Variants in ZNF423 observed in about 807,000 individuals in gnomAD.
The protein encoded by ZNF423 is zinc finger protein 423.
In ZNF423, 12 loss-of-function variants were observed where a neutral mutation model predicts 95.8. The observed-to-expected ratio is 0.13, with a 90% confidence interval of 0.08 to 0.20. ZNF423 has a LOEUF of 0.20. Among genes scored for constraint, ZNF423 ranks in the 10% least tolerant of loss-of-function variants. The pLI is 1.00. For missense variants in ZNF423, 1,316 were observed against 1,737.1 expected (o/e 0.76, Z 4.31); for synonymous variants, 749 against 711.9 (o/e 1.05, Z -0.83).
intron 5 of ZNF423, among the ~76,000 whole-genome samples, chr16:49,538,407 C>A (rs1395049611): frequency 2.0e-5 from 3 of 152,208 alleles, no homozygotes; most frequent in Non-Finnish European, 4.4e-5. Context: ...GCACATGCGA[C>A]AGACACCTGG....
chr16:49,681,041 C>T (rs1460991266), intron 3 of ZNF423, among the ~76,000 whole-genome samples: 1 of 152,178 alleles, frequency 6.6e-6, no homozygotes, highest in Non-Finnish European at 1.5e-5. Context: ...CCCCTCAGCT[C>T]TGCACACCTT....
At chr16:49,617,782 G>A (rs1338888847) in intron 5 of ZNF423, among the ~76,000 whole-genome samples, 1 of 151,940 alleles carries the variant, frequency 6.6e-6, no homozygotes, top group East Asian at 1.9e-4. Context: ...ATCTCCTCCT[G>A]ACCCCTTCCA....
intron 3 of ZNF423, among the ~76,000 whole-genome samples, chr16:49,643,462 AG>A (rs1162952619): frequency 2.6e-5 from 4 of 152,084 alleles, no homozygotes; most frequent in African/African-American, 9.7e-5. Flanking sequence ...TGACTTGCCC[AG>A]TGCCACACAG....
intron 2 of ZNF423, among the ~76,000 whole-genome samples, chr16:49,783,977 A>G (rs2034267525): frequency 6.6e-6 from 1 of 151,860 alleles, no homozygotes; most frequent in Non-Finnish European, 1.5e-5. Flanking sequence ...TCAAAAAAAA[A>G]AAAAAAGAAA....
At chr16:49,752,348 G>A (rs918069531) in intron 2 of ZNF423, among the ~76,000 whole-genome samples, 6 of 152,208 alleles carry the variant, frequency 3.9e-5, no homozygotes, top group African/African-American at 9.7e-5. Context: ...CCTTCCTGAC[G>A]GTGTCCCAGC....
Position 49,637,775 on chromosome 16 carries a change from G to A in ZNF423, c.1401C>T (p.His467=), listed in dbSNP as rs370346450. The A allele has an allele frequency of 1.0e-4, 163 of 1,614,024 alleles. No homozygotes were observed. Among genetic ancestry groups the A allele is most frequent in the South Asian group, 6.4e-4 (58 of 91,090 alleles). Residue 467 remains histidine (H), a synonymous_variant, in exon 4 of 8, where the codon CAC becomes CAT. Transcript: ENST00000563137. This position sits in a 1 kb window ranked among gnomAD's most constrained non-coding sequence, Gnocchi z 5.6. ...SMPTLYNLNE[H]VRKLHKNHAY... The stretch of plus-strand genomic sequence containing the variant: ...CATGGTTCTTGTGCAGCTTGCGAAC[G>A]TGCTCGTTGAGGTTGTAGAGGGTGG...
At chr16:49,534,642 A>C (rs905985546) in intron 5 of ZNF423, among the ~76,000 whole-genome samples, 11 of 152,136 alleles carry the variant, frequency 7.2e-5, no homozygotes, top group African/African-American at 2.7e-4. Context: ...GGGGGCCATC[A>C]AGGCAATAGA....
intron 2 of ZNF423, among the ~76,000 whole-genome samples, chr16:49,741,179 C>T (rs2033406685): frequency 6.8e-6 from 1 of 147,362 alleles, no homozygotes; most frequent in Non-Finnish European, 1.5e-5. Context: ...ATGGTCAGCA[C>T]TGCAAACACA....
chr16:49,842,714 G>A lies in ZNF423; in HGVS notation c.40+13021C>T, dbSNP rs144833721. 5.3e-5 allele frequency among the ~76,000 whole-genome samples: 8 copies of A among 152,278 alleles called. No homozygotes were observed. The East Asian group carries it at 7.7e-4, about 15-fold the overall frequency. On this transcript the variant is annotated intron_variant, in intron 1 of 7. Coordinates refer to ENST00000563137, the MANE Select transcript of ZNF423 (RefSeq NM_001379286.1). ...AAAAAGGCTGGGCGCCGTAGCTCACGCCTGTAATTCCAGCACTTTGGGAGC... is the reference window on the plus strand; with the variant it reads ...AAAAAGGCTGGGCGCCGTAGCTCACACCTGTAATTCCAGCACTTTGGGAGC...
intron 1 of ZNF423, among the ~76,000 whole-genome samples, chr16:49,815,881 A>AAAT (rs1185501557): frequency 1.1e-3 from 51 of 47,600 alleles, no homozygotes; most frequent in East Asian, 2.6e-3. Flanking sequence ...AAAAAAAAAA[A>AAAT]ATATATATAT....
At chr16:49,551,707 G>A (rs190199370) in intron 5 of ZNF423, among the ~76,000 whole-genome samples, 11 of 152,334 alleles carry the variant, frequency 7.2e-5, no homozygotes, top group Admixed American at 7.2e-4. Flanking sequence ...CAGGAAGGGT[G>A]AGGAGACCCT....
At chr16:49,543,679 C>T (rs974069680) in intron 5 of ZNF423, among the ~76,000 whole-genome samples, 1 of 152,216 alleles carries the variant, frequency 6.6e-6, no homozygotes, top group African/African-American at 2.4e-5. Context: ...TCAGCTTCCC[C>T]GCCAAGGACA....
chr16:49,730,959 CCTT>C lies in ZNF423; in HGVS notation c.110_112del (p.Glu37del). 1 of 1,614,216 alleles carries C rather than the reference CCTT, an allele frequency of 6.2e-7. No homozygotes were observed. The highest frequency in any genetic ancestry group is 1.1e-5 in the South Asian group (1 of 91,086). Reference sequence around the variant, plus strand: ...GGTTTTCTGATCGCACTCTGGCTCTCCTTCTAGGCCTCCTGCCAACAGGAAGAA... The same window carrying C: ...GGTTTTCTGATCGCACTCTGGCTCTCCTAGGCCTCCTGCCAACAGGAAGAA... On this transcript the variant is annotated inframe_deletion, in exon 3 of 8. Coordinates refer to ENST00000563137, the MANE Select transcript of ZNF423 (RefSeq NM_001379286.1).
At chr16:49,563,767 G>C (rs1970093424) in intron 5 of ZNF423, among the ~76,000 whole-genome samples, 1 of 152,214 alleles carries the variant, frequency 6.6e-6, no homozygotes, top group South Asian at 2.1e-4. Flanking sequence ...CCCATGGCCT[G>C]CTACTGAAAC....
chr16:49,653,255 G>A (rs2151906273), intron 3 of ZNF423, among the ~76,000 whole-genome samples: 1 of 148,194 alleles, frequency 6.7e-6, no homozygotes, highest in South Asian at 2.2e-4. Flanking sequence ...AGTCTTGGGA[G>A]GACCTGAAGG....
chr16:49,681,966 T>C (rs1201533278), intron 3 of ZNF423, among the ~76,000 whole-genome samples: 1 of 151,952 alleles, frequency 6.6e-6, no homozygotes, highest in Non-Finnish European at 1.5e-5. Context: ...TTTCTGTACC[T>C]AACAAGCTCC....
chr16:49,810,228 A>T (rs1045704411), intron 1 of ZNF423, among the ~76,000 whole-genome samples: 1 of 151,696 alleles, frequency 6.6e-6, no homozygotes, highest in African/African-American at 2.4e-5. Flanking sequence ...CAAAGAGGAC[A>T]GCCAGAGAGG....
chr16:49,594,737 G>T (rs975292098), intron 5 of ZNF423, among the ~76,000 whole-genome samples: 1 of 152,136 alleles, frequency 6.6e-6, no homozygotes, highest in African/African-American at 2.4e-5. Context: ...AAACTCACGG[G>T]GATGCAGATG....
intron 2 of ZNF423, among the ~76,000 whole-genome samples, chr16:49,777,059 T>C (rs2034133546): frequency 6.6e-6 from 1 of 152,196 alleles, no homozygotes; most frequent in East Asian, 1.9e-4. Context: ...CACACTCCTG[T>C]ATGCACGTAT....
Sources: gnomAD v4.1 joint callset for allele counts (sites outside exome capture counted in the v4.1 genomes callset) on GRCh38, gnomAD v4.1.1 for gene constraint, Gnocchi (gnomAD v3.1) non-coding constraint, MANE v1.5 for transcripts, NCBI Gene and HGNC (gene_info 2026-07-23, HGNC 2026-07-21) for gene names.